The following PCDHA8 variants were observed in gnomAD, a reference collection of about 807,000 sequenced individuals.
PCDHA8 encodes protocadherin alpha-8.
A neutral mutation model predicts 61.8 loss-of-function variants in PCDHA8; 53 were observed. The ratio of observed to expected loss-of-function variants is 0.86; its 90% CI spans 0.69 to 1.08. The LOEUF (loss-of-function observed/expected upper bound fraction) is 1.08. Ranked by LOEUF, PCDHA8 falls within the 50% of genes least tolerant of loss-of-function variation. PCDHA8 has a pLI of 0.00. For missense variants in PCDHA8, 1,293 were observed against 1,245.0 expected (o/e 1.04, Z -0.58); for synonymous variants, 618 against 556.6 (o/e 1.11, Z -1.55).
At chr5:141,000,414 TATATATA>T (rs1167743190) in intron 3 of PCDHA8, among the ~76,000 whole-genome samples, 31 of 99,528 alleles carry the variant, frequency 3.1e-4, no homozygotes, top group African/African-American at 9.8e-4. Context: ...TATATATATA[TATATATA>T]TTTTTTTTTT....
At chr5:140,967,456 G>C in intron 1 of PCDHA8, 1 of 1,613,598 alleles carries the variant, frequency 6.2e-7, no homozygotes, top group Non-Finnish European at 8.5e-7. Context: ...TCACAGCCGT[G>C]GATGGGGGCA....
intron 1 of PCDHA8, among the ~76,000 whole-genome samples, chr5:140,886,052 CT>C (rs1247635205): frequency 6.6e-6 from 1 of 152,122 alleles, no homozygotes; most frequent in Non-Finnish European, 1.5e-5. Flanking sequence ...ATAGTAACAT[CT>C]TACAAAAGCG....
At position 140,841,681 on chromosome 5, in the gene PCDHA8, C is replaced by G; in HGVS notation, c.360C>G (p.Asp120Glu). The G allele has an allele frequency of 6.2e-7, 1 of 1,613,906 alleles. No individual in the cohort carries two copies. Among genetic ancestry groups the G allele is most frequent in the Non-Finnish European group, 8.5e-7 (1 of 1,179,886 alleles). ...VDRPLQVFHV[D>E]VEVKDVNDNP... ...GGCCGCTGCAGGTTTTCCATGTGGACGTGGAGGTGAAGGATGTTAATGACA... is the reference window on the plus strand; with the variant it reads ...GGCCGCTGCAGGTTTTCCATGTGGAGGTGGAGGTGAAGGATGTTAATGACA... Residue 120 changes from aspartate (D) to glutamate (E), a missense_variant, in exon 1 of 4, where the codon GAC becomes GAG. Physicochemically the swap from Asp to Glu is conservative, Grantham distance 45. Transcript: ENST00000531613.
chr5:140,897,881 C>G (rs1417702752), intron 1 of PCDHA8, among the ~76,000 whole-genome samples: 1 of 152,312 alleles, frequency 6.6e-6, no homozygotes, highest in Admixed American at 6.5e-5. Context: ...GATTGCCATT[C>G]TAACTGGTGT....
chr5:141,009,011 T>C (rs1461112133), intron 3 of PCDHA8, among the ~76,000 whole-genome samples: 1 of 152,256 alleles, frequency 6.6e-6, no homozygotes, highest in East Asian at 1.9e-4. Context: ...ATATTTTGCC[T>C]TTAGGCTCTG....
intron 1 of PCDHA8, chr5:140,882,487 C>G: frequency 6.2e-7 from 1 of 1,614,054 alleles, no homozygotes; most frequent in Non-Finnish European, 8.5e-7. Flanking sequence ...GACACGGGGA[C>G]CTTCTGGAGG....
chr5:140,852,811 G>A (rs2150522776), intron 1 of PCDHA8: 7 of 973,542 alleles, frequency 7.2e-6, no homozygotes, highest in East Asian at 1.1e-4. Flanking sequence ...TTTGTCTCCC[G>A]CCCTAAGTCC....
intron 1 of PCDHA8, among the ~76,000 whole-genome samples, chr5:140,888,562 G>C (rs781854673): frequency 9.2e-5 from 14 of 152,112 alleles, no homozygotes; most frequent in Non-Finnish European, 1.8e-4. Context: ...TCCTTTCAAG[G>C]CTTCATTTTA....
chr5:141,002,284 A>T (rs1334096097), intron 3 of PCDHA8, among the ~76,000 whole-genome samples: 1 of 152,180 alleles, frequency 6.6e-6, no homozygotes, highest in Non-Finnish European at 1.5e-5. Flanking sequence ...CAAAGGGATG[A>T]ATGGGGAGCA....
chr5:140,875,015 G>T (rs1479954206), intron 1 of PCDHA8, among the ~76,000 whole-genome samples: 3 of 152,170 alleles, frequency 2.0e-5, no homozygotes, highest in African/African-American at 7.2e-5. Flanking sequence ...TAAAGTGTAG[G>T]TTCTGGCCTA....
intron 1 of PCDHA8, among the ~76,000 whole-genome samples, chr5:140,917,223 C>T (rs1351907671): frequency 2.0e-5 from 3 of 150,934 alleles, no homozygotes; most frequent in African/African-American, 4.9e-5. Flanking sequence ...TTTAGTGATA[C>T]GTTGTTAAAT....
At chr5:140,918,897 C>A (rs1381764249) in intron 1 of PCDHA8, among the ~76,000 whole-genome samples, 1 of 152,196 alleles carries the variant, frequency 6.6e-6, no homozygotes, top group Admixed American at 6.5e-5. Context: ...AAAAATAAAT[C>A]TCTCTTGTTT....
rs201131092 is a variant in PCDHA8 at position 141,009,948 on chromosome 5, T to A, written c.*11T>A. ...AACAGTGACCAGTGAGGTCCTCAAATGGAAACAAGCCACTTAGCCAGTTTT... is the reference window on the plus strand; with the variant it reads ...AACAGTGACCAGTGAGGTCCTCAAAAGGAAACAAGCCACTTAGCCAGTTTT... On this transcript the variant is annotated 3_prime_UTR_variant, in exon 4 of 4. Coordinates refer to ENST00000531613, the MANE Select transcript of PCDHA8 (RefSeq NM_018911.3). The A allele has an allele frequency of 9.4e-6, 15 of 1,595,948 alleles. No homozygotes were observed. In the East Asian group the frequency reaches 3.4e-4, roughly 36 times the overall value.
intron 1 of PCDHA8, chr5:140,927,761 G>C (rs1554205028): frequency 6.2e-7 from 1 of 1,614,102 alleles, no homozygotes. Flanking sequence ...CACCCTAAAA[G>C]TGGGGAGGTG....
chr5:140,882,996 A>G lies in PCDHA8; in HGVS notation c.2394+39281A>G, dbSNP rs782381110. On this transcript the variant is annotated intron_variant, in intron 1 of 3. Transcript: ENST00000531613. The stretch of plus-strand genomic sequence containing the variant: ...GTGAATGACAACGCCCCGGAATTTT[A>G]CCAATCCGTTTATAAAGTGACGGTG... 2.9e-5 allele frequency: 46 copies of G among 1,614,024 alleles called. No individual in the cohort carries two copies. The Middle Eastern group carries it at 4.9e-4, about 17-fold the overall frequency.
At chr5:140,918,036 C>G (rs1423930397) in intron 1 of PCDHA8, among the ~76,000 whole-genome samples, 1 of 152,036 alleles carries the variant, frequency 6.6e-6, no homozygotes, top group Non-Finnish European at 1.5e-5. Flanking sequence ...CGTGGAAGGT[C>G]TTTCCATTTG....
chr5:141,009,062 A>G (rs1466818539), intron 3 of PCDHA8, among the ~76,000 whole-genome samples: 1 of 152,240 alleles, frequency 6.6e-6, no homozygotes, highest in East Asian at 1.9e-4. Context: ...TCACAACTGT[A>G]TTCTTTAGGA....
intron 1 of PCDHA8, chr5:140,860,150 T>G (rs868970469): frequency 6.7e-6 from 1 of 150,164 alleles, no homozygotes; most frequent in Non-Finnish European, 1.5e-5. Flanking sequence ...TATGTATATA[T>G]GTGTATATAT....
intron 1 of PCDHA8, among the ~76,000 whole-genome samples, chr5:140,935,583 C>T (rs1182817725): frequency 1.3e-5 from 2 of 152,168 alleles, no homozygotes; most frequent in Admixed American, 6.5e-5. Flanking sequence ...AGTTAAGCCA[C>T]CAGCTAGATA....
Sources: gnomAD v4.1 joint callset for allele counts (sites outside exome capture counted in the v4.1 genomes callset) on GRCh38, gnomAD v4.1.1 for gene constraint, MANE v1.5 for transcripts, NCBI Gene and HGNC (gene_info 2026-07-23, HGNC 2026-07-21) for gene names.